The following GPATCH1 variants were observed in gnomAD, a reference collection of about 807,000 sequenced individuals.
GPATCH1 encodes G-patch domain containing 1.
A neutral mutation model predicts 114.9 loss-of-function variants in GPATCH1; 73 were observed. The ratio of observed to expected loss-of-function variants is 0.64; its 90% CI spans 0.53 to 0.77. The LOEUF is 0.77. Among genes scored for constraint, GPATCH1 ranks in the 30% least tolerant of loss-of-function variants. The probability of loss-of-function intolerance (pLI) is 0.00; values close to 1 mark genes in which losing one functional copy is unlikely to be tolerated. For missense variants in GPATCH1, 1,058 were observed against 1,144.3 expected (o/e 0.92, Z 1.09); for synonymous variants, 391 against 428.4 (o/e 0.91, Z 1.08).
At chr19:33,081,819 A>G (rs1042461673) in intron 1 of GPATCH1, among the ~76,000 whole-genome samples, 7 of 152,016 alleles carry the variant, frequency 4.6e-5, no homozygotes, top group Non-Finnish European at 1.5e-5. Flanking sequence ...TGGATCTTGT[A>G]CTAAGTGCAG....
At chr19:33,107,890 G>A (rs1030528108) in intron 10 of GPATCH1, among the ~76,000 whole-genome samples, 1 of 150,998 alleles carries the variant, frequency 6.6e-6, no homozygotes, top group African/African-American at 2.4e-5. Flanking sequence ...TAGGGTACAT[G>A]TGCACAACGT....
chr19:33,096,927 C>T (rs1402153586), intron 7 of GPATCH1, among the ~76,000 whole-genome samples: 1 of 141,630 alleles, frequency 7.1e-6, no homozygotes, highest in Admixed American at 7.2e-5. Context: ...CTGCGCCTGG[C>T]CACCTTTTCT....
At chr19:33,082,107 G>T (rs1159522703) in intron 1 of GPATCH1, among the ~76,000 whole-genome samples, 1 of 118,150 alleles carries the variant, frequency 8.5e-6, no homozygotes, top group East Asian at 2.7e-4. Flanking sequence ...AGGAGATGAT[G>T]GTGGCATGGA....
In GPATCH1 at chr19:33,088,548, A is replaced by G. The variant is rs573703708; in HGVS notation, c.208+280A>G. On this transcript the variant is annotated intron_variant, in intron 2 of 19. Coordinates refer to ENST00000170564, the MANE Select transcript of GPATCH1 (RefSeq NM_018025.3). ...TACTTTTAGTAGAGACAGGAGTTTC[A>G]CCATGTTGGCCAGGCTGGTCTCAAA... Among the ~76,000 whole-genome samples, 16 of 151,170 alleles carry G rather than the reference A, an allele frequency of 1.1e-4. No individual in the cohort carries two copies. The South Asian group carries it at 3.3e-3, about 32-fold the overall frequency.
chr19:33,108,310 C>G (rs1051862848), intron 10 of GPATCH1, among the ~76,000 whole-genome samples: 1 of 152,172 alleles, frequency 6.6e-6, no homozygotes, highest in African/African-American at 2.4e-5. Context: ...CCAGGCTCCC[C>G]ACGAGGCCCT....
At chr19:33,091,510 G>C (rs1179719530) in intron 3 of GPATCH1, among the ~76,000 whole-genome samples, 1 of 151,420 alleles carries the variant, frequency 6.6e-6, no homozygotes, top group Admixed American at 6.6e-5. Context: ...GTAACTCTCA[G>C]GCACACTGCA....
intron 17 of GPATCH1, among the ~76,000 whole-genome samples, chr19:33,121,320 C>CTTTTTTTTTTTTTTTTT (rs534893516): frequency 8.0e-6 from 1 of 124,534 alleles, no homozygotes; most frequent in African/African-American, 3.3e-5. Context: ...CTTTTCTTTT[C>CTTTTTTTTTTTTTTTTT]TTTTTTTTTT....
chr19:33,094,354 A>C, intron 5 of GPATCH1, 85 bp downstream of exon 5: 2 of 758,074 alleles, frequency 2.6e-6, no homozygotes, highest in Non-Finnish European at 4.6e-6. Context: ...TCTGTCGCCC[A>C]GGCTGGAGTG....
At chr19:33,091,735 T>C (rs1213515515) in intron 3 of GPATCH1, among the ~76,000 whole-genome samples, 1 of 152,106 alleles carries the variant, frequency 6.6e-6, no homozygotes. Flanking sequence ...ATCCTGCACA[T>C]GTACCCTGGA....
intron 11 of GPATCH1, 136 bp from the exon 12 acceptor site, chr19:33,111,588 C>T: frequency 1.2e-6 from 1 of 825,160 alleles, no homozygotes; most frequent in Non-Finnish European, 1.9e-6. Flanking sequence ...AAATACCTCA[C>T]CATTCCCATA....
rs773848032 is a variant in GPATCH1, at chr19:33,093,435, T to C, written c.371T>C (p.Ile124Thr). 46 of 1,613,884 alleles carry C rather than the reference T, an allele frequency of 2.9e-5. 1 individual carries two copies. In the South Asian group the frequency reaches 4.7e-4, roughly 17 times the overall value. Residue 124 changes from isoleucine to threonine, a missense_variant, in exon 4 of 20, where the codon ATA becomes ACA. This residue lies in a region of GPATCH1 where 34 missense variants were observed against 59.6 expected (regional missense o/e 0.57). Coordinates refer to ENST00000170564, the MANE Select transcript of GPATCH1 (RefSeq NM_018025.3). ...DDFASKTKDR[I>T]REKARQLAAA... ...TTTGCCTCCAAAACCAAAGACAGAATACGAGAAAAGGCTAGGCAGTTGGCC... is the reference window on the plus strand; with the variant it reads ...TTTGCCTCCAAAACCAAAGACAGAACACGAGAAAAGGCTAGGCAGTTGGCC...
chr19:33,116,710 T>C lies in GPATCH1; in HGVS notation c.2197-1115T>C, dbSNP rs528140237. ...ACGCCTGGCTAATTTTTTGTATTTT[T>C]AGTAGAGACGGGGTTTTACTGTGTT... is the stretch of plus-strand genomic sequence containing the variant. On this transcript the variant is annotated intron_variant, in intron 15 of 19. Transcript: ENST00000170564. Among the ~76,000 whole-genome samples, 272 of 152,272 alleles carry C rather than the reference T, an allele frequency of 1.8e-3. 1 individual carries two copies. The highest frequency in any genetic ancestry group is 6.1e-3 in the African/African-American group (254 of 41,578).
intron 3 of GPATCH1, among the ~76,000 whole-genome samples, chr19:33,092,054 T>C (rs1972602502): frequency 6.6e-6 from 1 of 151,922 alleles, no homozygotes; most frequent in African/African-American, 2.4e-5. Context: ...CTTTTCTTTT[T>C]TTTTTTTCCT....
intron 2 of GPATCH1, 34 bp from the exon 3 acceptor site, chr19:33,090,746 A>G (rs1413340680): frequency 7.3e-7 from 1 of 1,364,476 alleles, no homozygotes; most frequent in South Asian, 1.2e-5. Flanking sequence ...AATACTCTCT[A>G]GGATTGTAAA....
At chr19:33,088,839 T>A (rs1219864392) in intron 2 of GPATCH1, among the ~76,000 whole-genome samples, 1 of 151,650 alleles carries the variant, frequency 6.6e-6, no homozygotes, top group Non-Finnish European at 1.5e-5. Flanking sequence ...TTTGTGTTTA[T>A]AGAGACAGGG....
At chr19:33,118,971 G>A in intron 16 of GPATCH1, 39 bp from the exon 17 acceptor site, 1 of 1,220,952 alleles carries the variant, frequency 8.2e-7, no homozygotes, top group Non-Finnish European at 1.2e-6. Flanking sequence ...ACATTAACAT[G>A]GGGCAGACGA....
In GPATCH1 at chr19:33,095,692, G is replaced by A. The variant is rs572652763; in HGVS notation, c.554-70G>A. The A allele has an allele frequency of 1.4e-5, 14 of 1,034,200 alleles. 1 individual carries two copies. The highest frequency in any genetic ancestry group is 1.1e-4 in the African/African-American group (7 of 63,502). The allele number at this position is 1,034,200 out of a possible 1,614,324, so 64.1% of individuals were successfully genotyped here. A position where few individuals can be genotyped will look rare whatever the true frequency, so the allele number is the denominator to read the frequency against. On this transcript the variant is annotated intron_variant, in intron 5 of 19. Coordinates refer to ENST00000170564, the MANE Select transcript of GPATCH1 (RefSeq NM_018025.3). ...GCTGGGATTACAGGTGTGATCCACCGCGCCCGGCCTGGTCGGGGTTTTCTA... is the reference window on the plus strand; with the variant it reads ...GCTGGGATTACAGGTGTGATCCACCACGCCCGGCCTGGTCGGGGTTTTCTA...
At chr19:33,108,084 T>C (rs1196937827) in intron 10 of GPATCH1, among the ~76,000 whole-genome samples, 1 of 152,042 alleles carries the variant, frequency 6.6e-6, no homozygotes, top group Admixed American at 6.6e-5. Context: ...TAGTGAGTCC[T>C]CTCGGCTCTA....
chr19:33,129,699 G>A (rs1442202302), intron 19 of GPATCH1, among the ~76,000 whole-genome samples: 1 of 152,182 alleles, frequency 6.6e-6, no homozygotes, highest in African/African-American at 2.4e-5. Context: ...TGTAATCCCA[G>A]CACTTTGGGA....
Sources: allele counts gnomAD v4.1 joint callset (sites outside exome capture counted in the v4.1 genomes callset), GRCh38; gene constraint gnomAD v4.1.1; regional missense constraint gnomAD v4.1.1; transcripts MANE v1.5; gene names NCBI Gene and HGNC (gene_info 2026-07-23, HGNC 2026-07-21).